ADAMTS20: variants seen among roughly 807,000 people sequenced by gnomAD.
The protein encoded by ADAMTS20 is ADAM metallopeptidase with thrombospondin type 1 motif 20.
Under a neutral mutation model 260.1 loss-of-function variants are expected in ADAMTS20, and 225 were observed. That is an observed-to-expected ratio of 0.87 (90% CI 0.78 to 0.97). The LOEUF (loss-of-function observed/expected upper bound fraction) is 0.97. Ranked by LOEUF, ADAMTS20 falls within the 50% of genes least tolerant of loss-of-function variation. ADAMTS20 has a pLI of 0.00. For missense variants in ADAMTS20, 2,400 were observed against 2,337.7 expected (o/e 1.03, Z -0.55); for synonymous variants, 802 against 769.5 (o/e 1.04, Z -0.70).
At chr12:43,505,118 C>T (rs935303068) in intron 3 of ADAMTS20, among the ~76,000 whole-genome samples, 1 of 152,124 alleles carries the variant, frequency 6.6e-6, no homozygotes, top group African/African-American at 2.4e-5. Flanking sequence ...AGTGCCAAGA[C>T]CACTCAATAT....
intron 37 of ADAMTS20, among the ~76,000 whole-genome samples, chr12:43,367,206 T>C (rs2137195766): frequency 6.6e-6 from 1 of 152,058 alleles, no homozygotes; most frequent in East Asian, 1.9e-4. Flanking sequence ...ATAAGGCCAC[T>C]ATTTCTGTGA....
At chr12:43,360,681 G>T (rs1391863646) in intron 37 of ADAMTS20, among the ~76,000 whole-genome samples, 2 of 152,072 alleles carry the variant, frequency 1.3e-5, no homozygotes, top group African/African-American at 4.8e-5. Context: ...TATGAGATAT[G>T]CATGGAGACA....
chr12:43,492,787 A>G (rs1942623283), intron 5 of ADAMTS20, among the ~76,000 whole-genome samples, 158 bp from the exon 6 acceptor site: 1 of 152,228 alleles, frequency 6.6e-6, no homozygotes, highest in Non-Finnish European at 1.5e-5. Flanking sequence ...AACGTATTTT[A>G]GCAATATCTA....
chr12:43,378,088 AGAG>A (rs1470760503), intron 31 of ADAMTS20, among the ~76,000 whole-genome samples: 2 of 152,256 alleles, frequency 1.3e-5, no homozygotes, highest in African/African-American at 4.8e-5. Context: ...TTTTAGCAAA[AGAG>A]GAGTAACAAG....
At chr12:43,390,305 A>T (rs964738204) in intron 29 of ADAMTS20, among the ~76,000 whole-genome samples, 2 of 152,208 alleles carry the variant, frequency 1.3e-5, no homozygotes, top group Non-Finnish European at 2.9e-5. Flanking sequence ...GCTTAGATTG[A>T]AATTGCTGAT....
intron 19 of ADAMTS20, among the ~76,000 whole-genome samples, chr12:43,433,433 G>A (rs775112561): frequency 1.7e-4 from 26 of 152,068 alleles, no homozygotes; most frequent in Non-Finnish European, 3.5e-4. Flanking sequence ...GTCCCTAATA[G>A]CATCTCAAGA....
intron 3 of ADAMTS20, among the ~76,000 whole-genome samples, chr12:43,513,600 A>C (rs894496977): frequency 6.6e-6 from 1 of 152,172 alleles, no homozygotes; most frequent in Non-Finnish European, 1.5e-5. Context: ...TGCTATAAAA[A>C]CACATGTACA....
intron 37 of ADAMTS20, among the ~76,000 whole-genome samples, chr12:43,357,932 G>C (rs910531283): frequency 6.6e-6 from 1 of 152,132 alleles, no homozygotes; most frequent in Non-Finnish European, 1.5e-5. Context: ...TGAATAAAAA[G>C]AATTGATTCT....
intron 27 of ADAMTS20, 121 bp downstream of exon 27, chr12:43,427,187 A>G (rs1941348892): frequency 8.1e-7 from 1 of 1,228,212 alleles, no homozygotes; most frequent in African/African-American, 1.6e-5. Context: ...AACAAAAAAA[A>G]CAAAAATTCT....
Position 43,376,294 on chromosome 12 carries a change from T to C in ADAMTS20, c.5162A>G (p.Lys1721Arg). Residue 1721 changes from lysine (K) to arginine (R), a missense_variant, in exon 34 of 39, where the codon AAA becomes AGA. Transcript: ENST00000389420. ...SFTTCKEIQV[K>R]NHIRKDGDYY... ...GTCACCATCCTTTCTAATGTGGTTT[T>C]TCACTTGAATTTCTTTGCAGGTGGT... is the stretch of plus-strand genomic sequence containing the variant. The C allele has an allele frequency of 1.3e-6, 2 of 1,555,450 alleles. No homozygotes were observed. Among genetic ancestry groups the C allele is most frequent in the Non-Finnish European group, 1.7e-6 (2 of 1,148,232 alleles).
intron 19 of ADAMTS20, among the ~76,000 whole-genome samples, chr12:43,433,157 G>A (rs111606475): frequency 6.6e-6 from 1 of 152,166 alleles, no homozygotes; most frequent in Non-Finnish European, 1.5e-5. Flanking sequence ...TCCTCTATAA[G>A]TATTTCGATT....
chr12:43,538,728 G>A (rs1943331584), intron 2 of ADAMTS20, among the ~76,000 whole-genome samples: 1 of 152,090 alleles, frequency 6.6e-6, no homozygotes, highest in South Asian at 2.1e-4. Context: ...TAGCCATAAA[G>A]TTCTCTTTCC....
chr12:43,514,815 A>G, intron 3 of ADAMTS20, among the ~76,000 whole-genome samples: 1 of 152,194 alleles, frequency 6.6e-6, no homozygotes, highest in Non-Finnish European at 1.5e-5. Flanking sequence ...GAACATGTAA[A>G]TGAAATGTAT....
intron 31 of ADAMTS20, 66 bp from the exon 32 acceptor site, chr12:43,377,628 G>C: frequency 7.8e-7 from 1 of 1,287,760 alleles, no homozygotes; most frequent in Non-Finnish European, 1.1e-6. Flanking sequence ...ATATTTGTCA[G>C]ATGCTTAATA....
At chr12:43,464,158 A>T (rs1942112228) in intron 10 of ADAMTS20, among the ~76,000 whole-genome samples, 1 of 152,108 alleles carries the variant, frequency 6.6e-6, no homozygotes, top group Admixed American at 6.6e-5. Context: ...ATATGCCCCA[A>T]ATTTAATTCT....
At chr12:43,399,368 A>G (rs1416400986) in intron 28 of ADAMTS20, 135 bp from the exon 29 acceptor site, 1 of 786,990 alleles carries the variant, frequency 1.3e-6, no homozygotes, top group Non-Finnish European at 1.8e-6. Flanking sequence ...TAGTATTTCT[A>G]ATTAGTGAAA....
intron 3 of ADAMTS20, among the ~76,000 whole-genome samples, chr12:43,507,437 C>A (rs1942862561): frequency 6.6e-6 from 1 of 152,200 alleles, no homozygotes; most frequent in Non-Finnish European, 1.5e-5. Context: ...TCTCCACACT[C>A]CTCAAAAGAA....
chr12:43,409,790 A>G (rs1354129823), intron 28 of ADAMTS20, among the ~76,000 whole-genome samples: 1 of 152,090 alleles, frequency 6.6e-6, no homozygotes, highest in African/African-American at 2.4e-5. Flanking sequence ...TAGCAAAGTA[A>G]ATTTTAAGCA....
At chr12:43,469,153 T>C (rs1368370495) in intron 7 of ADAMTS20, among the ~76,000 whole-genome samples, 2 of 152,070 alleles carry the variant, frequency 1.3e-5, no homozygotes, top group African/African-American at 4.8e-5. Context: ...TTTAAAGCAG[T>C]ATACAAATAT....
Sources: allele counts gnomAD v4.1 joint callset (sites outside exome capture counted in the v4.1 genomes callset), GRCh38; gene constraint gnomAD v4.1.1; transcripts MANE v1.5; gene names NCBI Gene and HGNC (gene_info 2026-07-23, HGNC 2026-07-21).